Variants in NSMAF observed in about 807,000 individuals in gnomAD.
NSMAF encodes neutral sphingomyelinase activation associated factor, also known as protein FAN.
Under a neutral mutation model 134.9 loss-of-function variants are expected in NSMAF, and 90 were observed. The observed-to-expected ratio is 0.67, with a 90% CI of 0.56 to 0.79. The LOEUF (loss-of-function observed/expected upper bound fraction) is 0.79. NSMAF is among the 30% of genes least tolerant of loss of function. The pLI is 0.00. For missense variants in NSMAF, 1,010 were observed against 1,119.0 expected (o/e 0.90, Z 1.39); for synonymous variants, 358 against 389.6 (o/e 0.92, Z 0.96).
chr8:58,644,212 T>A (rs1444575559), intron 1 of NSMAF, among the ~76,000 whole-genome samples: 1 of 152,206 alleles, frequency 6.6e-6, no homozygotes, highest in African/African-American at 2.4e-5. Flanking sequence ...TATATGTTTA[T>A]TTCACTGCCT....
intron 11 of NSMAF, 44 bp downstream of exon 11, chr8:58,607,725 A>T: frequency 6.8e-7 from 1 of 1,473,426 alleles, no homozygotes; most frequent in Non-Finnish European, 9.5e-7. Flanking sequence ...GGCTAAACTG[A>T]AAGTGTGACA....
intron 19 of NSMAF, 46 bp from the exon 20 acceptor site, chr8:58,597,948 T>C (rs377706660): frequency 7.5e-6 from 10 of 1,338,016 alleles, no homozygotes; most frequent in African/African-American, 1.4e-5. Context: ...GCTATTTCAA[T>C]GTAATATACA....
rs766261495 is a variant in NSMAF at position 58,585,704 on chromosome 8, G to C, written c.2607C>G (p.Leu869=). The stretch of plus-strand genomic sequence containing the variant: ...TTTTTGCTCCAAGGAGGTCCCAAAC[G>C]AGCAGTTCACCAGACTGACTGCCAG... ...VLSGSQSGEL[L]VWDLLGAKIS... Residue 869 remains leucine (L), a synonymous_variant, in exon 30 of 31, where the codon CTC becomes CTG. Coordinates refer to ENST00000038176, the MANE Select transcript of NSMAF (RefSeq NM_003580.4). 1 of 1,613,976 alleles carries C rather than the reference G, an allele frequency of 6.2e-7. No individual in the cohort carries two copies. The highest frequency in any genetic ancestry group is 8.5e-7 in the Non-Finnish European group (1 of 1,179,990).
intron 16 of NSMAF, 98 bp from the exon 17 acceptor site, chr8:58,600,119 T>A: frequency 1.2e-6 from 1 of 835,680 alleles, no homozygotes; most frequent in Non-Finnish European, 1.9e-6. Context: ...TTACCTGTAT[T>A]AACTTCTGTT....
chr8:58,589,229 A>AT (rs1805967916), intron 26 of NSMAF, among the ~76,000 whole-genome samples: 1 of 147,788 alleles, frequency 6.8e-6, no homozygotes, highest in Admixed American at 6.8e-5. Context: ...ATAATATATA[A>AT]ATATATATTA....
intron 1 of NSMAF, among the ~76,000 whole-genome samples, chr8:58,650,818 C>A (rs1210504880): frequency 6.6e-6 from 1 of 152,178 alleles, no homozygotes; most frequent in Non-Finnish European, 1.5e-5. Flanking sequence ...TAAATTAAAA[C>A]TTTAAGAAAG....
At chr8:58,588,283 G>T (rs1393126437) in intron 26 of NSMAF, 1 of 653,268 alleles carries the variant, frequency 1.5e-6, no homozygotes. Flanking sequence ...GATATTTTCA[G>T]TTTAAATAAA....
chr8:58,604,455 C>A (rs2129141585), intron 12 of NSMAF, among the ~76,000 whole-genome samples: 1 of 150,896 alleles, frequency 6.6e-6, no homozygotes, highest in African/African-American at 2.4e-5. Context: ...TGTAACAAAG[C>A]TATACTTATA....
At chr8:58,659,237 C>G in intron 1 of NSMAF, 2 of 1,499,298 alleles carry the variant, frequency 1.3e-6, no homozygotes, top group South Asian at 2.5e-5. Flanking sequence ...GGATCCACGC[C>G]CGGACCCCGC....
chr8:58,596,308 C>T (rs1806133616), intron 21 of NSMAF, among the ~76,000 whole-genome samples: 1 of 152,162 alleles, frequency 6.6e-6, no homozygotes, highest in African/African-American at 2.4e-5. Flanking sequence ...AGAGAATGCT[C>T]ATCTATGTAT....
chr8:58,642,849 A>C (rs1807366887), intron 2 of NSMAF, 135 bp downstream of exon 2: 3 of 688,262 alleles, frequency 4.4e-6, no homozygotes, highest in Non-Finnish European at 7.7e-6. Context: ...ATAAAAGTCT[A>C]AATAAAATTT....
intron 2 of NSMAF, among the ~76,000 whole-genome samples, chr8:58,636,434 G>A: frequency 6.6e-6 from 1 of 152,188 alleles, no homozygotes; most frequent in East Asian, 1.9e-4. Context: ...ACTTTCAGAG[G>A]TAGTACACGG....
At chr8:58,600,553 G>A (rs576941839) in intron 16 of NSMAF, among the ~76,000 whole-genome samples, 8 of 148,100 alleles carry the variant, frequency 5.4e-5, no homozygotes, top group East Asian at 4.0e-4. Flanking sequence ...AACCCGAGGC[G>A]GAGGTTGCAG....
rs1457798876 is a variant in NSMAF at position 58,599,269 on chromosome 8, G to A, written c.1548C>T (p.Tyr516=). ...CAACTGCATCACTCCCTTTTTGTTT[G>A]TAGCCAAATATTAGATCAATCCACT... ...LHEWIDLIFG[Y]KQKGSDAVGA... is the part of the protein sequence containing the mutation. Residue 516 remains tyrosine, a synonymous_variant, in exon 19 of 31, where the codon TAC becomes TAT. Transcript: ENST00000038176. 6.2e-7 allele frequency: 1 copy of A among 1,613,388 alleles called. No individual in the cohort carries two copies. Among genetic ancestry groups the A allele is most frequent in the South Asian group, 1.1e-5 (1 of 90,990 alleles).
chr8:58,585,833 C>A, intron 29 of NSMAF, 65 bp downstream of exon 29: 2 of 1,579,920 alleles, frequency 1.3e-6, no homozygotes, highest in Non-Finnish European at 1.7e-6. Flanking sequence ...CCAATGTAAG[C>A]CCAAATGAAG....
At chr8:58,594,122 T>C in intron 23 of NSMAF, 110 bp downstream of exon 23, 1 of 854,818 alleles carries the variant, frequency 1.2e-6, no homozygotes, top group Non-Finnish European at 1.9e-6. Context: ...TAAGTTTACT[T>C]TATGTGGAGG....
chr8:58,614,411 G>A lies in NSMAF; in HGVS notation c.558-4678C>T, dbSNP rs574484528. ...TGTTTTATCTAAGCAGTAGAGTGAC[G>A]GTCATGAGCCTCTGAGCAGGCCTGA... On this transcript the variant is annotated intron_variant, in intron 9 of 30. Transcript: ENST00000038176. 9.8e-5 allele frequency among the ~76,000 whole-genome samples: 15 copies of A among 152,288 alleles called. No individual in the cohort carries two copies. In the South Asian group the frequency reaches 1.7e-3, roughly 17 times the overall value.
intron 30 of NSMAF, 105 bp from the exon 31 acceptor site, chr8:58,584,305 A>G: frequency 1.3e-6 from 1 of 760,926 alleles, no homozygotes; most frequent in Non-Finnish European, 2.3e-6. Context: ...TTACTAAACA[A>G]GTGAAGTAAG....
At chr8:58,607,694 G>A in intron 11 of NSMAF, 75 bp downstream of exon 11, 4 of 1,117,032 alleles carry the variant, frequency 3.6e-6, no homozygotes, top group South Asian at 1.2e-5. Context: ...TCCCATAAGT[G>A]TTTACCGTCA....
Sources: allele counts gnomAD v4.1 joint callset (sites outside exome capture counted in the v4.1 genomes callset), GRCh38; gene constraint gnomAD v4.1.1; transcripts MANE v1.5; gene names NCBI Gene and HGNC (gene_info 2026-07-23, HGNC 2026-07-21).